The following ANO2 variants were observed in gnomAD, a reference collection of about 807,000 sequenced individuals.
ANO2 encodes anoctamin 2.
ANO2 carries 101 observed loss-of-function variants against 124.2 expected under a neutral mutation model. The observed-to-expected ratio is 0.81, with a 90% confidence interval of 0.69 to 0.96. The LOEUF is 0.96. Among genes scored for constraint, ANO2 ranks in the 40% least tolerant of loss-of-function variants. The pLI is 0.00. For synonymous variants in ANO2, 486 were observed against 482.5 expected, an observed-to-expected ratio of 1.01 and a Z score of -0.09; for missense variants, 1,293 against 1,274.5, an observed-to-expected ratio of 1.01 and a Z score of -0.22.
chr12:5,604,847 C>T (rs903232312), intron 19 of ANO2, among the ~76,000 whole-genome samples: 10 of 151,948 alleles, frequency 6.6e-5, no homozygotes, highest in Non-Finnish European at 1.3e-4. Context: ...ATTACGATTC[C>T]GACCGTATGA....
chr12:5,760,769 C>A (rs1424290880), intron 10 of ANO2, among the ~76,000 whole-genome samples: 1 of 152,134 alleles, frequency 6.6e-6, no homozygotes, highest in Non-Finnish European at 1.5e-5. Flanking sequence ...ATCCCCTCAA[C>A]AGATTCCTTT....
intron 10 of ANO2, among the ~76,000 whole-genome samples, chr12:5,758,449 C>G (rs1222102190): frequency 6.6e-6 from 1 of 152,160 alleles, no homozygotes. Context: ...TTATAGTAAA[C>G]AAGTGATAAG....
chr12:5,789,117 C>A (rs1255959958), intron 10 of ANO2, among the ~76,000 whole-genome samples: 1 of 152,166 alleles, frequency 6.6e-6, no homozygotes, highest in Non-Finnish European at 1.5e-5. Context: ...GCAGGATGAA[C>A]AAAAGGAGAG....
At chr12:5,651,081 A>T (rs960148006) in intron 14 of ANO2, among the ~76,000 whole-genome samples, 11 of 152,248 alleles carry the variant, frequency 7.2e-5, no homozygotes, top group Non-Finnish European at 1.6e-4. Context: ...CATAAAAGTA[A>T]GGTCTAACCA....
intron 3 of ANO2, among the ~76,000 whole-genome samples, chr12:5,895,887 G>C (rs1939749493): frequency 6.6e-6 from 1 of 152,032 alleles, no homozygotes; most frequent in South Asian, 2.1e-4. Context: ...GCCAACCTAA[G>C]TGCCCATCAA....
At chr12:5,849,504 C>T (rs79516131) in intron 4 of ANO2, among the ~76,000 whole-genome samples, 7,279 of 152,330 alleles carry the variant, frequency 0.048, 209 homozygotes, top group African/African-American at 0.072. Context: ...TCAGGCTGCT[C>T]GGGGCCAAAG....
chr12:5,790,540 A>T (rs1351950143), intron 10 of ANO2, among the ~76,000 whole-genome samples: 1 of 152,004 alleles, frequency 6.6e-6, no homozygotes, highest in Non-Finnish European at 1.5e-5. Context: ...TCTCCTTCAA[A>T]TCTCTGCTTC....
chr12:5,850,633 A>G (rs1037193286), intron 4 of ANO2, among the ~76,000 whole-genome samples: 6 of 152,066 alleles, frequency 3.9e-5, no homozygotes, highest in Non-Finnish European at 8.8e-5. Context: ...TGGGCTAATG[A>G]GTTACTACTT....
Position 5,922,636 on chromosome 12 carries a change from C to A in ANO2, c.191G>T (p.Ser64Ile), listed in dbSNP as rs1446521122. ...RDPGQPCGGE[S>I]TRSSSVINNY... ...AGTACTCACAGAGCTGCTGCGGGTG[C>A]TCTCTCCACCGCAGGGCTGGCCAGG... Residue 64 changes from serine to isoleucine, a missense_variant, in exon 2 of 25, where the codon AGC (serine) becomes ATC (isoleucine). Ser to Ile is a moderately radical substitution (Grantham distance 142). Coordinates refer to ENST00000682330, the MANE Select transcript of ANO2 (RefSeq NM_001364791.2). 1 of 1,307,004 alleles carries A rather than the reference C, an allele frequency of 7.7e-7. No homozygotes were observed. The allele number at this position is 1,307,004 out of a possible 1,614,324, so 81.0% of individuals were successfully genotyped here. A position where few individuals can be genotyped will look rare whatever the true frequency, so the allele number is the denominator to read the frequency against.
rs370672873 is a variant in ANO2, at chr12:5,921,133, C to T, written c.441G>A (p.Pro147=). The T allele has an allele frequency of 3.5e-5, 56 of 1,613,872 alleles. No homozygotes were observed. Among genetic ancestry groups the T allele is most frequent in the Non-Finnish European group, 4.4e-5 (52 of 1,179,898 alleles). The change falls in exon 3 of 25, where the codon CCG becomes CCA. Residue 147 remains proline, a synonymous_variant. Coordinates refer to ENST00000682330, the MANE Select transcript of ANO2 (RefSeq NM_001364791.2). ...TCCTCTCCTCCTCCAGGGCATCGAG[C>T]GGTCCCAGCTCAATGTCACCTGGGC... ...AGGPGDIELG[P]LDALEEERKE...
At chr12:5,592,284 T>C (rs1344052735) in intron 20 of ANO2, among the ~76,000 whole-genome samples, 1 of 152,080 alleles carries the variant, frequency 6.6e-6, no homozygotes, top group Non-Finnish European at 1.5e-5. Context: ...TAAGACATTG[T>C]CCCTGTCCCC....
intron 4 of ANO2, among the ~76,000 whole-genome samples, chr12:5,851,323 C>A (rs1380102860): frequency 6.6e-6 from 1 of 152,068 alleles, no homozygotes; most frequent in Non-Finnish European, 1.5e-5. Context: ...ACCAGAGGGA[C>A]CAAAGGCAAG....
intron 14 of ANO2, among the ~76,000 whole-genome samples, chr12:5,652,690 A>C (rs992831158): frequency 1.3e-5 from 2 of 152,152 alleles, no homozygotes; most frequent in East Asian, 3.9e-4. Context: ...AGTTTTTCCC[A>C]TGATTAGACT....
intron 19 of ANO2, among the ~76,000 whole-genome samples, chr12:5,603,495 G>A (rs1944041042): frequency 6.6e-6 from 1 of 152,058 alleles, no homozygotes; most frequent in Non-Finnish European, 1.5e-5. Context: ...ATGAAAGATG[G>A]TAGAAGAAGA....
At chr12:5,860,588 C>G (rs1291353209) in intron 3 of ANO2, among the ~76,000 whole-genome samples, 2 of 152,180 alleles carry the variant, frequency 1.3e-5, no homozygotes, top group Non-Finnish European at 2.9e-5. Flanking sequence ...GACCTTTGGC[C>G]AACAGAATTT....
intron 16 of ANO2, among the ~76,000 whole-genome samples, chr12:5,630,808 G>A (rs1354675692): frequency 6.6e-6 from 1 of 152,230 alleles, no homozygotes; most frequent in South Asian, 2.1e-4. Flanking sequence ...TTGGGAGCAA[G>A]TGACAGAGAC....
chr12:5,860,514 A>T (rs1305699680), intron 3 of ANO2, among the ~76,000 whole-genome samples: 1 of 152,198 alleles, frequency 6.6e-6, no homozygotes, highest in African/African-American at 2.4e-5. Flanking sequence ...TTCCTAGTGG[A>T]TTCCATTTGG....
intron 11 of ANO2, among the ~76,000 whole-genome samples, chr12:5,748,108 G>A (rs1035410741): frequency 1.3e-5 from 2 of 151,706 alleles, no homozygotes; most frequent in South Asian, 2.1e-4. Flanking sequence ...CTGTGTGCGC[G>A]TGCATGAGTG....
At chr12:5,710,927 C>T (rs1591966194) in intron 14 of ANO2, among the ~76,000 whole-genome samples, 1 of 151,964 alleles carries the variant, frequency 6.6e-6, no homozygotes, top group East Asian at 1.9e-4. Context: ...TTTGGGAGGC[C>T]GAGGCGGGAT....
Sources: allele counts gnomAD v4.1 joint callset (sites outside exome capture counted in the v4.1 genomes callset), GRCh38; gene constraint gnomAD v4.1.1; transcripts MANE v1.5; gene names NCBI Gene and HGNC (gene_info 2026-07-23, HGNC 2026-07-21).